Variants in GABRG3 observed in about 807,000 individuals in gnomAD.
GABRG3 encodes the protein gamma-aminobutyric acid type A receptor subunit gamma3.
In GABRG3, 25 loss-of-function variants were observed where a neutral mutation model predicts 48.8. That is an observed-to-expected ratio of 0.51 (90% CI 0.37 to 0.72). GABRG3 has a LOEUF of 0.72. GABRG3 is among the 30% of genes least tolerant of loss of function. The probability of loss-of-function intolerance (pLI) is 0.00; values close to 1 mark genes in which losing one functional copy is unlikely to be tolerated. For synonymous variants in GABRG3, 227 were observed against 217.6 expected, an observed-to-expected ratio of 1.04 and a Z score of -0.38; for missense variants, 394 against 577.9, an observed-to-expected ratio of 0.68 and a Z score of 3.26.
chr15:27,006,558 A>C (rs1895588851), intron 2 of GABRG3, among the ~76,000 whole-genome samples: 1 of 152,116 alleles, frequency 6.6e-6, no homozygotes, highest in Non-Finnish European at 1.5e-5. Context: ...CATATAGGTA[A>C]ATTTCATGTC....
chr15:27,038,551 A>G (rs1399036747), intron 3 of GABRG3, among the ~76,000 whole-genome samples: 2 of 152,192 alleles, frequency 1.3e-5, no homozygotes, highest in African/African-American at 4.8e-5. Flanking sequence ...TCTCCTGGAC[A>G]CCACCGGCTT....
rs1893340635 is a variant in GABRG3 at position 27,319,311 on chromosome 15, A to G, written c.271-7498A>G. Reference sequence around the variant, plus strand: ...GGATGGGTGGCTCTTCTTAGTTCCTATCTGTAGAATGGGGATATTCATATT... The same window carrying G: ...GGATGGGTGGCTCTTCTTAGTTCCTGTCTGTAGAATGGGGATATTCATATT... On this transcript the variant is annotated intron_variant, in intron 3 of 9. Transcript: ENST00000615808. This position sits in a 1 kb window ranked among gnomAD's most constrained non-coding sequence, Gnocchi z 4.4. Among the ~76,000 whole-genome samples the G allele has an allele frequency of 6.6e-6, 1 of 152,134 alleles. No homozygotes were observed. The highest frequency in any genetic ancestry group is 6.5e-5 in the Admixed American group (1 of 15,280).
At chr15:27,249,725 C>A (rs535999245) in intron 3 of GABRG3, among the ~76,000 whole-genome samples, 1 of 152,250 alleles carries the variant, frequency 6.6e-6, no homozygotes, top group South Asian at 2.1e-4. Flanking sequence ...AAGATATCAC[C>A]TTATGAAAAT....
chr15:27,002,797 G>A (rs571048025), intron 2 of GABRG3, among the ~76,000 whole-genome samples: 2 of 145,050 alleles, frequency 1.4e-5, no homozygotes, highest in Non-Finnish European at 3.0e-5. Flanking sequence ...AGGAAAGAGA[G>A]AAAGAGAGAA....
At chr15:27,203,736 C>T (rs139028291) in intron 3 of GABRG3, among the ~76,000 whole-genome samples, 9 of 152,182 alleles carry the variant, frequency 5.9e-5, no homozygotes, top group East Asian at 5.8e-4. Context: ...GCCAATCTGA[C>T]GGGTGTGAGG....
At chr15:27,451,107 C>G (rs1889098861) in intron 5 of GABRG3, among the ~76,000 whole-genome samples, 1 of 152,094 alleles carries the variant, frequency 6.6e-6, no homozygotes, top group Non-Finnish European at 1.5e-5. Flanking sequence ...TCATACTACC[C>G]AAAGTGATCA....
intron 3 of GABRG3, among the ~76,000 whole-genome samples, chr15:27,172,711 G>A (rs1029955990): frequency 6.6e-6 from 1 of 152,266 alleles, no homozygotes; most frequent in African/African-American, 2.4e-5. Flanking sequence ...CAGTGAGCCA[G>A]AAGTGGCCAC....
chr15:27,240,116 C>G (rs551832757), intron 3 of GABRG3, among the ~76,000 whole-genome samples: 1 of 152,132 alleles, frequency 6.6e-6, no homozygotes, highest in Non-Finnish European at 1.5e-5. Flanking sequence ...CTAGACAAAC[C>G]CACTGGGATC....
chr15:27,041,099 A>G (rs991383222), intron 3 of GABRG3, among the ~76,000 whole-genome samples: 2 of 152,300 alleles, frequency 1.3e-5, no homozygotes, highest in Middle Eastern at 3.4e-3. Context: ...AAAAGAGACA[A>G]ATTTAGATGG....
chr15:27,165,094 G>T (rs868489577), intron 3 of GABRG3, among the ~76,000 whole-genome samples: 16 of 152,130 alleles, frequency 1.1e-4, no homozygotes, highest in African/African-American at 3.9e-4. Context: ...AAAAAATATA[G>T]AATTTAGAAT....
In GABRG3 at chr15:27,336,176, C is replaced by A. The variant is rs28551759; in HGVS notation, c.574+7288C>A. 9.3e-3 allele frequency among the ~76,000 whole-genome samples: 1,125 copies of A among 121,416 alleles called. 17 individuals are homozygous for A. The highest frequency in any genetic ancestry group is 0.034 in the African/African-American group (1,059 of 31,510). The allele number at this position is 121,416 out of a possible 152,430, so 79.7% of individuals were successfully genotyped here. On this transcript the variant is annotated intron_variant, in intron 5 of 9. Transcript: ENST00000615808. Reference sequence around the variant, plus strand: ...TGCACTTCAGCCTGGGAAACAAGAGCAAGAGTCAGTATGAAAAGAAAGAAA... The same window carrying A: ...TGCACTTCAGCCTGGGAAACAAGAGAAAGAGTCAGTATGAAAAGAAAGAAA...
chr15:27,331,434 A>G (rs1408589125), intron 5 of GABRG3, among the ~76,000 whole-genome samples: 1 of 152,236 alleles, frequency 6.6e-6, no homozygotes, highest in Non-Finnish European at 1.5e-5. Flanking sequence ...CTACCGAGCC[A>G]TAAAGAGACA....
intron 2 of GABRG3, among the ~76,000 whole-genome samples, chr15:27,017,345 AGG>A (rs1419168431): frequency 1.3e-5 from 2 of 152,120 alleles, no homozygotes; most frequent in Non-Finnish European, 2.9e-5. Context: ...CTTTCTACTC[AGG>A]GGTTCACTCT....
At position 27,209,895 on chromosome 15, in the gene GABRG3, C is replaced by T. The variant is rs138042054; in HGVS notation, c.271-116914C>T. 3.6e-3 allele frequency among the ~76,000 whole-genome samples: 545 copies of T among 152,310 alleles called. 1 individual carries two copies. The highest frequency in any genetic ancestry group is 0.014 in the Middle Eastern group (4 of 294). On this transcript the variant is annotated intron_variant, in intron 3 of 9. Coordinates refer to ENST00000615808, the MANE Select transcript of GABRG3 (RefSeq NM_033223.5). ...GCCACCTTCCTGCTGTGTCCTCACA[C>T]GGTCTTTCCTCTGCACGTGCATCCC...
At chr15:27,526,861 A>G (rs1891288981) in intron 7 of GABRG3, among the ~76,000 whole-genome samples, 1 of 152,214 alleles carries the variant, frequency 6.6e-6, no homozygotes, top group African/African-American at 2.4e-5. Flanking sequence ...TTTTGTCTTA[A>G]AGACCACACA....
chr15:27,136,055 C>T (rs775795892), intron 3 of GABRG3, among the ~76,000 whole-genome samples: 2 of 152,200 alleles, frequency 1.3e-5, no homozygotes, highest in Non-Finnish European at 2.9e-5. Flanking sequence ...GCTGACAGCA[C>T]CACGAGGGGT....
At chr15:27,388,668 A>G (rs1897227326) in intron 5 of GABRG3, among the ~76,000 whole-genome samples, 1 of 152,140 alleles carries the variant, frequency 6.6e-6, no homozygotes, top group South Asian at 2.1e-4. Context: ...CAATGCATTA[A>G]AACAGGTCTG....
At chr15:27,099,737 C>G (rs1364985381) in intron 3 of GABRG3, among the ~76,000 whole-genome samples, 2 of 151,422 alleles carry the variant, frequency 1.3e-5, no homozygotes, top group South Asian at 2.1e-4. Flanking sequence ...ATAAAATGTT[C>G]AAGAATCCCT....
intron 3 of GABRG3, among the ~76,000 whole-genome samples, chr15:27,243,316 TTTGA>T (rs1364830571): frequency 4.6e-5 from 7 of 152,192 alleles, no homozygotes; most frequent in Non-Finnish European, 8.8e-5. Context: ...AAATGTTATG[TTTGA>T]TTGGGAACTT....
Sources: gnomAD v4.1 joint callset for allele counts (sites outside exome capture counted in the v4.1 genomes callset) on GRCh38, gnomAD v4.1.1 for gene constraint, Gnocchi (gnomAD v3.1) non-coding constraint, MANE v1.5 for transcripts, NCBI Gene and HGNC (gene_info 2026-07-23, HGNC 2026-07-21) for gene names.